The following CCDC192 variants were observed in gnomAD, a reference collection of about 807,000 sequenced individuals.
CCDC192 encodes coiled-coil domain containing 192, also known as coiled-coil domain-containing protein 192.
At chr5:127,937,764 C>T (rs748819164) in intron 6 of CCDC192, among the ~76,000 whole-genome samples, 14 of 152,326 alleles carry the variant, frequency 9.2e-5, no homozygotes, top group African/African-American at 2.2e-4. Flanking sequence ...GCCGCTTCGC[C>T]GCATTTTTGC....
intron 6 of CCDC192, among the ~76,000 whole-genome samples, chr5:127,930,750 A>G (rs1023367764): frequency 6.6e-6 from 1 of 152,210 alleles, no homozygotes. Context: ...AGCCTAGGTT[A>G]TCCTACCCTC....
chr5:127,911,024 T>C (rs1753330899), intron 6 of CCDC192, among the ~76,000 whole-genome samples: 1 of 152,222 alleles, frequency 6.6e-6, no homozygotes, highest in Admixed American at 6.5e-5. Flanking sequence ...AATGTGACCT[T>C]CAAACTTTGT....
intron 3 of CCDC192, among the ~76,000 whole-genome samples, chr5:127,776,123 T>C (rs1184031741): frequency 2.0e-5 from 3 of 152,232 alleles, no homozygotes; most frequent in African/African-American, 7.2e-5. Context: ...TGGAAAAGTT[T>C]GGAGGGCTGA....
chr5:127,772,388 T>TG (rs993089949), intron 3 of CCDC192, among the ~76,000 whole-genome samples: 4 of 147,196 alleles, frequency 2.7e-5, no homozygotes, highest in South Asian at 2.2e-4. Context: ...GAACCTGTGT[T>TG]GGGGGGGTGC....
chr5:127,922,259 C>A (rs906497837), intron 6 of CCDC192, among the ~76,000 whole-genome samples: 1 of 152,090 alleles, frequency 6.6e-6, no homozygotes, highest in African/African-American at 2.4e-5. Context: ...AAGCTATCTT[C>A]TAGATAACAT....
At chr5:127,888,492 A>G (rs1456419564) in intron 6 of CCDC192, among the ~76,000 whole-genome samples, 1 of 152,116 alleles carries the variant, frequency 6.6e-6, no homozygotes, top group Admixed American at 6.6e-5. Context: ...ACTCAAAGAT[A>G]TTTGAAATCA....
intron 3 of CCDC192, among the ~76,000 whole-genome samples, chr5:127,777,910 T>A (rs1755963784): frequency 6.6e-6 from 1 of 152,018 alleles, no homozygotes; most frequent in Non-Finnish European, 1.5e-5. Context: ...TTTTTTTTTT[T>A]ACAAATTATC....
intron 2 of CCDC192, among the ~76,000 whole-genome samples, chr5:127,741,678 T>C (rs940289536): frequency 3.9e-5 from 6 of 152,186 alleles, no homozygotes; most frequent in African/African-American, 9.6e-5. Flanking sequence ...TGAACTTGAA[T>C]TCAGGACTCC....
intron 6 of CCDC192, among the ~76,000 whole-genome samples, chr5:127,902,517 C>A (rs921589905): frequency 6.6e-6 from 1 of 152,178 alleles, no homozygotes; most frequent in East Asian, 1.9e-4. Context: ...CTTACTTGAT[C>A]ATCACCCCCG....
intron 5 of CCDC192, among the ~76,000 whole-genome samples, chr5:127,865,961 C>CT (rs1005876870): frequency 6.6e-5 from 10 of 152,004 alleles, no homozygotes; most frequent in South Asian, 2.1e-4. Flanking sequence ...CCCCTCTGAG[C>CT]TTTTTTTTAT....
At chr5:127,735,108 G>T (rs1401506015) in intron 2 of CCDC192, among the ~76,000 whole-genome samples, 2 of 128,792 alleles carry the variant, frequency 1.6e-5, no homozygotes, top group Non-Finnish European at 3.2e-5. Flanking sequence ...TTTTGTATAA[G>T]GTGTAAGGAA....
chr5:127,915,725 A>AT lies in CCDC192; in HGVS notation c.536-25445dup, dbSNP rs34033284. On this transcript the variant is annotated intron_variant, in intron 6 of 6. Coordinates refer to ENST00000514853, the MANE Select transcript of CCDC192 (RefSeq NM_001317938.2). ...AAAACATCATGAGATTTCTTTTGCAATTTTTTTTTTTTAGCTCATCAGCTA... is the reference window on the plus strand; with the variant it reads ...AAAACATCATGAGATTTCTTTTGCAATTTTTTTTTTTTTAGCTCATCAGCTA... Among the ~76,000 whole-genome samples the AT allele has an allele frequency of 9.6e-4, 142 of 147,492 alleles. 1 individual carries two copies. Among genetic ancestry groups the AT allele is most frequent in the African/African-American group, 2.0e-3 (83 of 40,632 alleles).
intron 5 of CCDC192, among the ~76,000 whole-genome samples, chr5:127,852,457 C>T (rs1197105070): frequency 6.6e-6 from 1 of 152,154 alleles, no homozygotes; most frequent in African/African-American, 2.4e-5. Flanking sequence ...AACACACAGT[C>T]ACATTTACAC....
At chr5:127,718,138 A>G (rs1055919562) in intron 2 of CCDC192, among the ~76,000 whole-genome samples, 15 of 152,180 alleles carry the variant, frequency 9.9e-5, no homozygotes, top group African/African-American at 3.6e-4. Context: ...ATCCTTCACA[A>G]ACAACTGGGC....
At chr5:127,721,316 C>T (rs570130106) in intron 2 of CCDC192, among the ~76,000 whole-genome samples, 5 of 152,350 alleles carry the variant, frequency 3.3e-5, no homozygotes, top group African/African-American at 1.2e-4. Flanking sequence ...AATCATCTCT[C>T]TCATGTTCAA....
intron 6 of CCDC192, among the ~76,000 whole-genome samples, chr5:127,930,748 T>G (rs774477060): frequency 1.3e-5 from 2 of 152,208 alleles, no homozygotes; most frequent in Non-Finnish European, 2.9e-5. Context: ...TTAGCCTAGG[T>G]TATCCTACCC....
chr5:127,833,020 A>G (rs931292748), intron 5 of CCDC192, among the ~76,000 whole-genome samples: 3 of 152,182 alleles, frequency 2.0e-5, no homozygotes. Context: ...AATCGTGGCC[A>G]CATTAAAAGG....
At chr5:127,820,300 G>A (rs533464976) in intron 5 of CCDC192, among the ~76,000 whole-genome samples, 14 of 152,126 alleles carry the variant, frequency 9.2e-5, no homozygotes, top group Non-Finnish European at 7.3e-5. Context: ...TTAAAATGTC[G>A]GCTGGGTGTG....
chr5:127,842,009 G>A (rs953529665), intron 5 of CCDC192, among the ~76,000 whole-genome samples: 11 of 152,190 alleles, frequency 7.2e-5, no homozygotes, highest in Admixed American at 4.6e-4. Flanking sequence ...AGAGAAGACA[G>A]GCTCTGTTTT....
Sources: gnomAD v4.1 joint callset for allele counts (sites outside exome capture counted in the v4.1 genomes callset) on GRCh38, gnomAD v4.1.1 for gene constraint, MANE v1.5 for transcripts, NCBI Gene and HGNC (gene_info 2026-07-23, HGNC 2026-07-21) for gene names.